QKI: variants seen among roughly 807,000 people sequenced by gnomAD.
QKI encodes KH domain-containing RNA-binding protein QKI.
QKI carries 10 observed loss-of-function variants against 39.0 expected under a neutral mutation model. The ratio of observed to expected loss-of-function variants is 0.26; its 90% CI spans 0.16 to 0.43. The LOEUF (loss-of-function observed/expected upper bound fraction) is 0.43. Among genes scored for constraint, QKI ranks in the 20% least tolerant of loss-of-function variants. QKI has a pLI of 1.00. For missense variants in QKI, 218 were observed against 428.0 expected (o/e 0.51, Z 4.33); for synonymous variants, 204 against 155.4 (o/e 1.31, Z -2.33).
chr6:163,425,755 C>A (rs1788359374), intron 1 of QKI, among the ~76,000 whole-genome samples: 1 of 152,104 alleles, frequency 6.6e-6, no homozygotes, highest in Non-Finnish European at 1.5e-5. Flanking sequence ...ACATGTGGGG[C>A]TCATTTGTTT....
In QKI at chr6:163,576,753, A is replaced by G. The variant is rs1783995698; in HGVS notation, c.*6043A>G. On this transcript the variant is annotated 3_prime_UTR_variant, in exon 8 of 8. Coordinates refer to ENST00000361752, the MANE Select transcript of QKI (RefSeq NM_006775.3). ...TCCACCCCCAGAAAATGCATGTATC[A>G]ATATGAGAATAAAGAACGCACACTT... is the stretch of plus-strand genomic sequence containing the variant. The G allele has an allele frequency of 6.6e-6, 1 of 152,204 alleles. No individual in the cohort carries two copies. The highest frequency in any genetic ancestry group is 2.4e-5 in the African/African-American group (1 of 41,458). The allele number at this position is 152,204 out of a possible 1,614,324, so 9.4% of individuals were successfully genotyped here.
chr6:163,563,351 C>T, intron 5 of QKI, 69 bp from the exon 6 acceptor site: 1 of 1,352,782 alleles, frequency 7.4e-7, no homozygotes, highest in Non-Finnish European at 1.0e-6. Flanking sequence ...TTTCCTACTC[C>T]CTTCTCATTT....
At chr6:163,551,010 A>G (rs578034310) in intron 4 of QKI, among the ~76,000 whole-genome samples, 6 of 151,944 alleles carry the variant, frequency 3.9e-5, no homozygotes, top group African/African-American at 1.4e-4. Flanking sequence ...TTAACCAATA[A>G]TGGCCAGCCA....
At chr6:163,457,403 A>G (rs566057776) in intron 2 of QKI, 7 of 455,964 alleles carry the variant, frequency 1.5e-5, no homozygotes, top group Non-Finnish European at 3.1e-5. Flanking sequence ...GCCACGGTGA[A>G]CTACTATTAC....
At chr6:163,516,826 T>C (rs556852127) in intron 3 of QKI, among the ~76,000 whole-genome samples, 4 of 152,302 alleles carry the variant, frequency 2.6e-5, no homozygotes, top group African/African-American at 9.6e-5. Context: ...CTGGAATATA[T>C]TTTAACTTAC....
At chr6:163,448,196 TGTTA>T (rs1365042315) in intron 1 of QKI, among the ~76,000 whole-genome samples, 2 of 152,210 alleles carry the variant, frequency 1.3e-5, no homozygotes, top group African/African-American at 2.4e-5. Flanking sequence ...TGTGGACAAT[TGTTA>T]GTTTTGGTAG....
intron 1 of QKI, among the ~76,000 whole-genome samples, chr6:163,444,724 G>A (rs1393643923): frequency 6.6e-6 from 1 of 152,068 alleles, no homozygotes; most frequent in Non-Finnish European, 1.5e-5. Flanking sequence ...CTTATTTGAA[G>A]AAAGCAAATA....
intron 1 of QKI, among the ~76,000 whole-genome samples, chr6:163,453,070 C>T (rs755674447): frequency 6.6e-6 from 1 of 150,862 alleles, no homozygotes; most frequent in Non-Finnish European, 1.5e-5. Flanking sequence ...TCTGAATTTT[C>T]TGATAACTTG....
chr6:163,452,129 T>C (rs1016961531), intron 1 of QKI, among the ~76,000 whole-genome samples: 3 of 152,244 alleles, frequency 2.0e-5, no homozygotes, highest in African/African-American at 7.2e-5. Flanking sequence ...GAGACTTGTC[T>C]AAAATCACAG....
intron 2 of QKI, among the ~76,000 whole-genome samples, chr6:163,456,213 A>G (rs1453225206): frequency 6.6e-6 from 1 of 152,168 alleles, no homozygotes; most frequent in African/African-American, 2.4e-5. Context: ...TTTATTTAAA[A>G]GCCATCTATC....
intron 3 of QKI, among the ~76,000 whole-genome samples, chr6:163,503,764 G>T (rs1210095548): frequency 1.3e-5 from 2 of 151,834 alleles, no homozygotes; most frequent in Non-Finnish European, 2.9e-5. Flanking sequence ...TTTGGAGACA[G>T]AGTCTTGCTC....
At chr6:163,544,117 G>A (rs1322865762) in intron 4 of QKI, among the ~76,000 whole-genome samples, 1 of 151,966 alleles carries the variant, frequency 6.6e-6, no homozygotes, top group Admixed American at 6.6e-5. Context: ...CATATACATG[G>A]GTTCCGCACC....
chr6:163,508,012 T>C (rs765014238), intron 3 of QKI, among the ~76,000 whole-genome samples: 9 of 151,416 alleles, frequency 5.9e-5, no homozygotes, highest in Non-Finnish European at 1.2e-4. Flanking sequence ...AACTGAAAAA[T>C]AGAATATCTG....
At chr6:163,505,984 C>T (rs1032739688) in intron 3 of QKI, among the ~76,000 whole-genome samples, 4 of 152,000 alleles carry the variant, frequency 2.6e-5, no homozygotes, top group Non-Finnish European at 5.9e-5. Flanking sequence ...GGGTGGTTTT[C>T]CCCATGCTGT....
At chr6:163,473,654 A>G (rs1207123864) in intron 2 of QKI, among the ~76,000 whole-genome samples, 8 of 152,332 alleles carry the variant, frequency 5.3e-5, no homozygotes, top group African/African-American at 1.9e-4. Flanking sequence ...CAACTTAAAA[A>G]TTGACATACG....
intron 3 of QKI, among the ~76,000 whole-genome samples, chr6:163,506,616 A>G (rs1245299312): frequency 6.6e-6 from 1 of 152,164 alleles, no homozygotes; most frequent in African/African-American, 2.4e-5. Flanking sequence ...TTGATCCTAT[A>G]ACTTAGCCAC....
At chr6:163,545,441 A>G (rs1287917940) in intron 4 of QKI, among the ~76,000 whole-genome samples, 1 of 152,114 alleles carries the variant, frequency 6.6e-6, no homozygotes, top group Non-Finnish European at 1.5e-5. Context: ...GACTTCCCTC[A>G]ACATCATACC....
chr6:163,551,092 A>G (rs1423777923), intron 4 of QKI, among the ~76,000 whole-genome samples: 7 of 152,206 alleles, frequency 4.6e-5, no homozygotes, highest in Admixed American at 4.6e-4. Context: ...GAAAAATACC[A>G]GTGCTTGCAT....
intron 6 of QKI, chr6:163,566,500 A>C: frequency 1.5e-6 from 2 of 1,370,946 alleles, no homozygotes; most frequent in Non-Finnish European, 1.9e-6. Flanking sequence ...AATGGATACA[A>C]TAGGTTAAGG....
Sources: allele counts gnomAD v4.1 joint callset (sites outside exome capture counted in the v4.1 genomes callset), GRCh38; gene constraint gnomAD v4.1.1; transcripts MANE v1.5; gene names NCBI Gene and HGNC (gene_info 2026-07-23, HGNC 2026-07-21).